ZC3H18: variants seen among roughly 807,000 people sequenced by gnomAD.
ZC3H18 encodes zinc finger CCCH domain-containing protein 18.
ZC3H18 carries 8 observed loss-of-function variants against 106.1 expected under a neutral mutation model. The ratio of observed to expected loss-of-function variants is 0.08; its 90% CI spans 0.04 to 0.14. The LOEUF (loss-of-function observed/expected upper bound fraction) is 0.14. ZC3H18 is among the 10% of genes least tolerant of loss of function. The pLI, the probability that ZC3H18 is intolerant of heterozygous loss-of-function variation, is 1.00. For synonymous variants in ZC3H18, 635 were observed against 522.1 expected, an observed-to-expected ratio of 1.22 and a Z score of -2.95; for missense variants, 1,318 against 1,278.4, an observed-to-expected ratio of 1.03 and a Z score of -0.47.
At chr16:88,616,283 C>T (rs759755098) in intron 8 of ZC3H18, among the ~76,000 whole-genome samples, 13 of 152,208 alleles carry the variant, frequency 8.5e-5, no homozygotes, top group Non-Finnish European at 1.8e-4. Flanking sequence ...CAAACTGGGC[C>T]GAGCCGCTCT....
chr16:88,597,340 C>G (rs1477629218), intron 3 of ZC3H18, among the ~76,000 whole-genome samples: 1 of 152,124 alleles, frequency 6.6e-6, no homozygotes, highest in Non-Finnish European at 1.5e-5. Flanking sequence ...TTAATGCAGG[C>G]TTAAGTGTTC....
intron 13 of ZC3H18, chr16:88,626,015 G>GT (rs1906288702): frequency 6.6e-6 from 1 of 152,094 alleles, no homozygotes; most frequent in South Asian, 2.1e-4. Context: ...TAGAGATGGG[G>GT]TTTCACCATG....
At chr16:88,597,772 C>T (rs1904516249) in intron 3 of ZC3H18, among the ~76,000 whole-genome samples, 1 of 152,236 alleles carries the variant, frequency 6.6e-6, no homozygotes, top group Non-Finnish European at 1.5e-5. Context: ...GTTAATGCTT[C>T]TCATTGATGT....
At chr16:88,599,518 G>A (rs956155238) in intron 5 of ZC3H18, among the ~76,000 whole-genome samples, 1 of 152,186 alleles carries the variant, frequency 6.6e-6, no homozygotes, top group Admixed American at 6.5e-5. Context: ...CTGAACCCTG[G>A]ATCTAGTTCC....
chr16:88,627,827 G>T lies in ZC3H18; in HGVS notation c.2269+45G>T, dbSNP rs779114370. ...CCTTTGGGGAGCAGCTCCCGGGGGAGGAGGGCGGCATCAGCACAGACTTTG... is the reference window on the plus strand; with the variant it reads ...CCTTTGGGGAGCAGCTCCCGGGGGATGAGGGCGGCATCAGCACAGACTTTG... On this transcript the variant is annotated intron_variant, in intron 14 of 17. Coordinates refer to ENST00000301011, the MANE Select transcript of ZC3H18 (RefSeq NM_144604.4). This position sits in a 1 kb window ranked among gnomAD's most constrained non-coding sequence, Gnocchi z 4.5. 1.2e-6 allele frequency: 2 copies of T among 1,610,224 alleles called. No homozygotes were observed. The highest frequency in any genetic ancestry group is 1.7e-6 in the Non-Finnish European group (2 of 1,177,268).
intron 3 of ZC3H18, among the ~76,000 whole-genome samples, chr16:88,592,429 G>C (rs910525899): frequency 1.3e-5 from 2 of 152,062 alleles, no homozygotes; most frequent in African/African-American, 4.8e-5. Flanking sequence ...CCTTTCAGGG[G>C]ACCCTGAGGT....
intron 3 of ZC3H18, among the ~76,000 whole-genome samples, chr16:88,587,958 G>C (rs1915534987): frequency 1.3e-5 from 2 of 152,320 alleles, no homozygotes; most frequent in South Asian, 4.1e-4. Context: ...TGCTTGCTTG[G>C]TTTTGCCAAG....
Position 88,570,518 on chromosome 16 carries a change from C to A in ZC3H18, c.-63C>A, listed in dbSNP as rs1914319936. 6.6e-6 allele frequency: 1 copy of A among 151,974 alleles called. No individual in the cohort carries two copies. Among genetic ancestry groups the A allele is most frequent in the South Asian group, 2.0e-4 (1 of 4,884 alleles). 9.4% of individuals were successfully genotyped at this position (151,974 alleles called of 1,614,324 possible). On this transcript the variant is annotated 5_prime_UTR_variant, in exon 1 of 18. Coordinates refer to ENST00000301011, the MANE Select transcript of ZC3H18 (RefSeq NM_144604.4). ...GGGCCAAGGGACGTCTTCTCCACGC[C>A]GCTCCGACTCCAGGGGAGCCGTGGC...
In ZC3H18 at chr16:88,624,854, G is replaced by C. The variant is rs371801931; in HGVS notation, c.2042+109G>C. ...GCCAGGGTCCAGAGCCAGGTGGTGGGAAGCGCCCCCTAGCCGAGCAGCACC... is the reference window on the plus strand; with the variant it reads ...GCCAGGGTCCAGAGCCAGGTGGTGGCAAGCGCCCCCTAGCCGAGCAGCACC... On this transcript the variant is annotated intron_variant, in intron 12 of 17. Coordinates refer to ENST00000301011, the MANE Select transcript of ZC3H18 (RefSeq NM_144604.4). The C allele has an allele frequency of 2.4e-4, 349 of 1,429,354 alleles. 5 individuals carry two copies. In the South Asian group the frequency reaches 3.9e-3, roughly 16 times the overall value. The allele number at this position is 1,429,354 out of a possible 1,614,324, so 88.5% of individuals were successfully genotyped here.
intron 8 of ZC3H18, among the ~76,000 whole-genome samples, chr16:88,614,203 C>T (rs1020297392): frequency 1.3e-5 from 2 of 152,268 alleles, no homozygotes; most frequent in African/African-American, 2.4e-5. Context: ...GACCTGCAGG[C>T]ATGGGCAGCT....
In ZC3H18 at chr16:88,593,196, A is replaced by T. The variant is rs572829720; in HGVS notation, c.689-4982A>T. Among the ~76,000 whole-genome samples, 8 of 152,284 alleles carry T rather than the reference A, an allele frequency of 5.3e-5. No homozygotes were observed. The East Asian group carries it at 1.5e-3, about 29-fold the overall frequency. On this transcript the variant is annotated intron_variant, in intron 3 of 17. Coordinates refer to ENST00000301011, the MANE Select transcript of ZC3H18 (RefSeq NM_144604.4). ...TGACACGGAGGCCCTGCCACTTAGCATTGGGCCCCCCTTGACCTCCTGCCA... is the reference window on the plus strand; with the variant it reads ...TGACACGGAGGCCCTGCCACTTAGCTTTGGGCCCCCCTTGACCTCCTGCCA...
Position 88,627,803 on chromosome 16 carries a change from CT to C in ZC3H18, c.2269+24del. 1.2e-6 allele frequency: 2 copies of C among 1,609,950 alleles called. No individual in the cohort carries two copies. Among genetic ancestry groups the C allele is most frequent in the Non-Finnish European group, 1.7e-6 (2 of 1,177,078 alleles). ...GAAAGGTACTCAGGAGCCCTGGTAC[CT>C]TTGGGGAGCAGCTCCCGGGGGAGGA... On this transcript the variant is annotated intron_variant, in intron 14 of 17. Coordinates refer to ENST00000301011, the MANE Select transcript of ZC3H18 (RefSeq NM_144604.4). The surrounding 1 kb of genome is among the most constrained non-coding windows in gnomAD (Gnocchi z 4.5).
intron 5 of ZC3H18, 21 bp downstream of exon 5, chr16:88,598,733 A>G: frequency 6.3e-7 from 1 of 1,597,522 alleles, no homozygotes; most frequent in Non-Finnish European, 8.5e-7. Flanking sequence ...TTCAGCAGAA[A>G]TCCCGACAAG....
chr16:88,601,658 C>T (rs1904756558), intron 6 of ZC3H18, among the ~76,000 whole-genome samples: 1 of 152,168 alleles, frequency 6.6e-6, no homozygotes, highest in Admixed American at 6.5e-5. Context: ...GCAGGACCCC[C>T]AAATGTTAAA....
Position 88,620,530 on chromosome 16 carries a change from T to C in ZC3H18, c.1476-1667T>C, listed in dbSNP as rs138840127. ...TGGAAGCTCAAGGCTGCAGTGATTA[T>C]GCCACCACACTCCAGCCCACATGGG... On this transcript the variant is annotated intron_variant, in intron 8 of 17. Coordinates refer to ENST00000301011, the MANE Select transcript of ZC3H18 (RefSeq NM_144604.4). Among the ~76,000 whole-genome samples, 218 of 150,782 alleles carry C rather than the reference T, an allele frequency of 1.4e-3. 5 individuals carry two copies. The East Asian group carries it at 0.036, about 25-fold the overall frequency.
In ZC3H18 at chr16:88,625,229, C is replaced by CAGTGGT; in HGVS notation, c.2073_2078dup (p.Gly692_Ser693dup). ...GGACGCTAAGCGGCAGCGGCAGTGG[C>CAGTGGT]AGTGGTAGCAGCTATAGTGGTTCCA... On this transcript the variant is annotated inframe_insertion, in exon 13 of 18. Transcript: ENST00000301011. The CAGTGGT allele has an allele frequency of 6.3e-7, 1 of 1,592,554 alleles. No individual in the cohort carries two copies. Among genetic ancestry groups the CAGTGGT allele is most frequent in the Non-Finnish European group, 8.5e-7 (1 of 1,169,850 alleles).
intron 2 of ZC3H18, among the ~76,000 whole-genome samples, chr16:88,578,695 T>C (rs1914915603): frequency 6.6e-6 from 1 of 151,908 alleles, no homozygotes; most frequent in Non-Finnish European, 1.5e-5. Context: ...TTGAATGCCA[T>C]GCTCCTTTTT....
intron 8 of ZC3H18, among the ~76,000 whole-genome samples, chr16:88,621,941 C>G (rs550636756): frequency 6.6e-6 from 1 of 152,318 alleles, no homozygotes; most frequent in African/African-American, 2.4e-5. Context: ...CAGAAAGTAA[C>G]TGCCATTCTG....
chr16:88,611,369 AGAGCGGGAGCGCGAGCGCGACAAG>A lies in ZC3H18; in HGVS notation c.1315_1338del (p.Glu439_Arg446del), dbSNP rs1284470444. The A allele has an allele frequency of 1.4e-5, 14 of 985,992 alleles. No individual in the cohort carries two copies. Among genetic ancestry groups the A allele is most frequent in the Non-Finnish European group, 2.2e-5 (14 of 632,294 alleles). 61.1% of individuals were successfully genotyped at this position (985,992 alleles called of 1,614,324 possible). A position where few individuals can be genotyped will look rare whatever the true frequency, so the allele number is the denominator to read the frequency against. ...AGCGCCGGCAGAGGGAGCGCGAGCG[AGAGCGGGAGCGCGAGCGCGACAAG>A]GAGCGGCAGCGGAGGAAGGAGGAGT... is the stretch of plus-strand genomic sequence containing the variant. On this transcript the variant is annotated inframe_deletion, in exon 8 of 18. Transcript: ENST00000301011.
Sources: allele counts gnomAD v4.1 joint callset (sites outside exome capture counted in the v4.1 genomes callset), GRCh38; gene constraint gnomAD v4.1.1; non-coding constraint Gnocchi (gnomAD v3.1); transcripts MANE v1.5; gene names NCBI Gene and HGNC (gene_info 2026-07-23, HGNC 2026-07-21).